Variants in MYLK observed in about 807,000 individuals in gnomAD.
MYLK encodes myosin light chain kinase, also known as myosin light chain kinase, smooth muscle.
MYLK carries 106 observed loss-of-function variants against 203.4 expected under a neutral mutation model. That is an observed-to-expected ratio of 0.52 (90% CI 0.45 to 0.61). The LOEUF (loss-of-function observed/expected upper bound fraction) is 0.61, where lower values mean the gene tolerates loss of function less well. Among genes scored for constraint, MYLK ranks in the 20% least tolerant of loss-of-function variants. The pLI, the probability that MYLK is intolerant of heterozygous loss-of-function variation, is 0.00. For synonymous variants in MYLK, 867 were observed against 959.5 expected, an observed-to-expected ratio of 0.90 and a Z score of 1.78; for missense variants, 2,072 against 2,442.3, an observed-to-expected ratio of 0.85 and a Z score of 3.20.
At chr3:123,856,839 T>C (rs899189204) in intron 2 of MYLK, among the ~76,000 whole-genome samples, 1 of 152,060 alleles carries the variant, frequency 6.6e-6, no homozygotes, top group Non-Finnish European at 1.5e-5. Context: ...CAAAAGAAAC[T>C]ACCATCAGAG....
In MYLK at chr3:123,701,526, A is replaced by T. The variant is rs1482619682; in HGVS notation, c.2391-17T>A. 1.2e-6 allele frequency: 2 copies of T among 1,612,620 alleles called. No individual in the cohort carries two copies. The highest frequency in any genetic ancestry group is 1.7e-6 in the Non-Finnish European group (2 of 1,179,618). The stretch of plus-strand genomic sequence containing the variant: ...ACCCGGTTCCTGAAGAATTCCAAAG[A>T]TCAATAAAGATCAAGAGGCCCTCTG... On this transcript the variant is annotated splice_polypyrimidine_tract_variant and intron_variant, in intron 16 of 33. Coordinates refer to ENST00000360304, the MANE Select transcript of MYLK (RefSeq NM_053025.4).
intron 4 of MYLK, among the ~76,000 whole-genome samples, chr3:123,761,147 A>C (rs1413534772): frequency 6.6e-6 from 1 of 152,198 alleles, no homozygotes; most frequent in Non-Finnish European, 1.5e-5. Flanking sequence ...CCCAAACAAC[A>C]CAGAGACTAT....
At chr3:123,737,357 T>C (rs769846550) in intron 8 of MYLK, 21 bp downstream of exon 8, 1 of 1,614,016 alleles carries the variant, frequency 6.2e-7, no homozygotes, top group South Asian at 1.1e-5. Flanking sequence ...CGTTCTGCAC[T>C]AGCCGTCCAC....
intron 20 of MYLK, among the ~76,000 whole-genome samples, chr3:123,677,918 T>TATATATATATATATACAC (rs1273803739): frequency 1.4e-3 from 112 of 78,778 alleles, no homozygotes; most frequent in East Asian, 0.01. Flanking sequence ...TATATATATA[T>TATATATATATATATACAC]ACACACACAC....
intron 29 of MYLK, among the ~76,000 whole-genome samples, chr3:123,634,401 TGCCCCG>T (rs1226053156): frequency 1.3e-5 from 2 of 152,202 alleles, no homozygotes; most frequent in Admixed American, 6.5e-5. Context: ...AGGCCCCCGA[TGCCCCG>T]GCACTGTGAC....
chr3:123,780,586 C>T (rs964745531), intron 4 of MYLK, among the ~76,000 whole-genome samples: 5 of 152,112 alleles, frequency 3.3e-5, no homozygotes, highest in African/African-American at 1.2e-4. Flanking sequence ...AGACAAAGAC[C>T]CAAGCACATG....
rs2107805217 is a variant in MYLK at position 123,614,000 on chromosome 3, A to G, written c.*105T>C. On this transcript the variant is annotated 3_prime_UTR_variant, in exon 34 of 34. Transcript: ENST00000360304. The stretch of plus-strand genomic sequence containing the variant: ...CCACAAATGACCTAACCGATAATCT[A>G]TCACACTAGGTGCTTTTACTATCTT... The G allele has an allele frequency of 1.4e-6, 2 of 1,403,940 alleles. No individual in the cohort carries two copies. Among genetic ancestry groups the G allele is most frequent in the East Asian group, 2.3e-5 (1 of 43,930 alleles). 87.0% of individuals were successfully genotyped at this position (1,403,940 alleles called of 1,614,324 possible). A position where few individuals can be genotyped will look rare whatever the true frequency, so the allele number is the denominator to read the frequency against.
chr3:123,658,323 T>C (rs1204089345), intron 23 of MYLK, among the ~76,000 whole-genome samples: 1 of 152,206 alleles, frequency 6.6e-6, no homozygotes, highest in Non-Finnish European at 1.5e-5. Context: ...GCCTTCTCAT[T>C]CAGATGACCT....
intron 5 of MYLK, among the ~76,000 whole-genome samples, chr3:123,747,990 T>C (rs1423449791): frequency 6.6e-6 from 1 of 152,210 alleles, no homozygotes; most frequent in Non-Finnish European, 1.5e-5. Flanking sequence ...CACCTGTTAG[T>C]CTGTTCTCGC....
intron 1 of MYLK, among the ~76,000 whole-genome samples, chr3:123,881,082 G>C (rs757666748): frequency 6.6e-6 from 1 of 152,170 alleles, no homozygotes; most frequent in Non-Finnish European, 1.5e-5. Context: ...GGTGGGAGAG[G>C]GGCGTGGCTT....
intron 9 of MYLK, 131 bp from the exon 10 acceptor site, chr3:123,734,353 C>A (rs2062601717): frequency 3.4e-6 from 3 of 877,712 alleles, no homozygotes; most frequent in East Asian, 5.5e-5. Flanking sequence ...AAGTTAAGGG[C>A]AAGTAAGAGC....
At position 123,640,280 on chromosome 3, in the gene MYLK, G is replaced by A. The variant is rs1395058043; in HGVS notation, c.4837+7C>T. The A allele has an allele frequency of 6.2e-7, 1 of 1,613,736 alleles. No homozygotes were observed. Among genetic ancestry groups the A allele is most frequent in the Non-Finnish European group, 8.5e-7 (1 of 1,179,812 alleles). On this transcript the variant is annotated splice_region_variant and intron_variant, in intron 28 of 33. Transcript: ENST00000360304. The surrounding 1 kb of genome is among the most constrained non-coding windows in gnomAD (Gnocchi z 4.3). ...TGGTGTCCATGGGAGAGGCAGATGAGCCTTACCCAGCCTCCTGGCCAGACC... is the reference window on the plus strand; with the variant it reads ...TGGTGTCCATGGGAGAGGCAGATGAACCTTACCCAGCCTCCTGGCCAGACC...
chr3:123,682,025 C>T, intron 20 of MYLK, 199 bp downstream of exon 20: 2 of 649,776 alleles, frequency 3.1e-6, no homozygotes, highest in Non-Finnish European at 5.7e-6. Flanking sequence ...GGAGAGAGCA[C>T]TGGGATGGGG....
chr3:123,753,695 C>T (rs917365710), intron 4 of MYLK, among the ~76,000 whole-genome samples: 1 of 152,146 alleles, frequency 6.6e-6, no homozygotes, highest in Non-Finnish European at 1.5e-5. Context: ...GTAGGCTCTT[C>T]AGAATTAACT....
At chr3:123,665,359 C>T (rs570543212) in intron 22 of MYLK, among the ~76,000 whole-genome samples, 2 of 152,182 alleles carry the variant, frequency 1.3e-5, no homozygotes, top group Admixed American at 1.3e-4. Flanking sequence ...TTATTTCAGA[C>T]AACAGTAGTC....
At position 123,613,928 on chromosome 3, in the gene MYLK, C is replaced by T. The variant is rs2057319517; in HGVS notation, c.*177G>A. ...GTGCCAACTAACATAGATTAATGCCCATCAATAACGCTGCTAGGTATCAAC... is the reference window on the plus strand; with the variant it reads ...GTGCCAACTAACATAGATTAATGCCTATCAATAACGCTGCTAGGTATCAAC... On this transcript the variant is annotated 3_prime_UTR_variant, in exon 34 of 34. Transcript: ENST00000360304. 1.4e-6 allele frequency: 1 copy of T among 697,384 alleles called. No homozygotes were observed. 43.2% of individuals were successfully genotyped at this position (697,384 alleles called of 1,614,324 possible). A position where few individuals can be genotyped will look rare whatever the true frequency, so the allele number is the denominator to read the frequency against.
rs148267614 is a variant in MYLK, at chr3:123,872,525, A to G, written c.-127+4034T>C. 1.1e-4 allele frequency among the ~76,000 whole-genome samples: 16 copies of G among 152,320 alleles called. No homozygotes were observed. The East Asian group carries it at 2.9e-3, about 28-fold the overall frequency. ...CCCTCTTATTTCTGACCAACCGACGATAAGTTAGGGATTCCCATGACCCCC... is the reference window on the plus strand; with the variant it reads ...CCCTCTTATTTCTGACCAACCGACGGTAAGTTAGGGATTCCCATGACCCCC... On this transcript the variant is annotated intron_variant, in intron 2 of 33. Transcript: ENST00000360304.
chr3:123,707,450 T>G (rs1289053530), intron 16 of MYLK, among the ~76,000 whole-genome samples: 1 of 152,060 alleles, frequency 6.6e-6, no homozygotes, highest in Admixed American at 6.5e-5. Flanking sequence ...TCCCCCTGCT[T>G]TTCCAACTTT....
intron 3 of MYLK, among the ~76,000 whole-genome samples, chr3:123,824,236 T>C (rs1258746688): frequency 6.6e-6 from 1 of 152,062 alleles, no homozygotes; most frequent in Non-Finnish European, 1.5e-5. Context: ...ATTACAGGCC[T>C]ACACCATCAT....
Sources: allele counts gnomAD v4.1 joint callset (sites outside exome capture counted in the v4.1 genomes callset), GRCh38; gene constraint gnomAD v4.1.1; non-coding constraint Gnocchi (gnomAD v3.1); transcripts MANE v1.5; gene names NCBI Gene and HGNC (gene_info 2026-07-23, HGNC 2026-07-21).